The following NRIP3 variants were observed in gnomAD, a reference collection of about 807,000 sequenced individuals.
NRIP3 encodes nuclear receptor interacting protein 3.
In NRIP3, 31 loss-of-function variants were observed where a neutral mutation model predicts 29.0. The ratio of observed to expected loss-of-function variants is 1.07; its 90% CI spans 0.80 to 1.44. The LOEUF (loss-of-function observed/expected upper bound fraction) is 1.44, where lower values mean the gene tolerates loss of function less well. Among genes scored for constraint, NRIP3 ranks in the 40% most tolerant of loss-of-function variants. NRIP3 has a pLI of 0.00. For missense variants in NRIP3, 314 were observed against 297.9 expected, an observed-to-expected ratio of 1.05 and a Z score of -0.40; for synonymous variants, 131 against 118.3, an observed-to-expected ratio of 1.11 and a Z score of -0.70.
intron 4 of NRIP3, 55 bp from the exon 5 acceptor site, chr11:8,984,179 G>A (rs1260786425): frequency 1.6e-6 from 2 of 1,253,500 alleles, no homozygotes; most frequent in African/African-American, 3.0e-5. Context: ...TTGCTTAGAA[G>A]TTGGCCTAAT....
Position 8,983,238 on chromosome 11 carries a change from T to C in NRIP3, c.*307A>G, listed in dbSNP as rs773037339. The stretch of plus-strand genomic sequence containing the variant: ...CACAGAACCTGGCAGCCCCTATACT[T>C]GACTAATAAAAGCAAATTCCTGGAA... On this transcript the variant is annotated 3_prime_UTR_variant, in exon 7 of 7. Transcript: ENST00000309166. The C allele has an allele frequency of 6.2e-6, 3 of 483,798 alleles. No individual in the cohort carries two copies. Among genetic ancestry groups the C allele is most frequent in the Non-Finnish European group, 1.1e-5 (3 of 270,550 alleles). 30.0% of individuals were successfully genotyped at this position (483,798 alleles called of 1,614,324 possible).
chr11:8,983,422 T>C lies in NRIP3; in HGVS notation c.*123A>G, dbSNP rs1854454399. The stretch of plus-strand genomic sequence containing the variant: ...TGAATGGGAAGGAGCCCCTGGAGCT[T>C]CTATTAGATGGAAGGACTTGGTCCA... On this transcript the variant is annotated 3_prime_UTR_variant, in exon 7 of 7. Coordinates refer to ENST00000309166, the MANE Select transcript of NRIP3 (RefSeq NM_020645.3). The C allele has an allele frequency of 6.1e-6, 5 of 814,774 alleles. No homozygotes were observed. The highest frequency in any genetic ancestry group is 1.0e-5 in the Non-Finnish European group (5 of 502,502). 50.5% of individuals were successfully genotyped at this position (814,774 alleles called of 1,614,324 possible).
chr11:9,000,312 C>T (rs924886141), intron 1 of NRIP3, among the ~76,000 whole-genome samples: 6 of 152,158 alleles, frequency 3.9e-5, no homozygotes, highest in African/African-American at 1.4e-4. Context: ...TGGTATTTCA[C>T]GCTTCTCTTC....
chr11:9,001,906 G>C (rs1309827503), intron 1 of NRIP3, among the ~76,000 whole-genome samples: 1 of 152,230 alleles, frequency 6.6e-6, no homozygotes, highest in Non-Finnish European at 1.5e-5. Flanking sequence ...CCATGATTCA[G>C]AGCCTTACAG....
chr11:9,000,650 A>G (rs1350798570), intron 1 of NRIP3, among the ~76,000 whole-genome samples: 1 of 152,220 alleles, frequency 6.6e-6, no homozygotes, highest in Non-Finnish European at 1.5e-5. Flanking sequence ...GACTGTTTTT[A>G]AAAATTAAAA....
intron 1 of NRIP3, among the ~76,000 whole-genome samples, chr11:9,002,596 T>TAAAAAAAAAAAAAAAAAAAAA (rs10701323): frequency 9.9e-6 from 1 of 101,244 alleles, no homozygotes. Context: ...GCTGTTAAAT[T>TAAAAAAAAAAAAAAAAAAAAA]AAAAAAAAAA....
intron 1 of NRIP3, among the ~76,000 whole-genome samples, chr11:8,991,241 C>T (rs1854595675): frequency 1.3e-5 from 2 of 152,122 alleles, no homozygotes; most frequent in African/African-American, 4.8e-5. Context: ...GCAGAGCTTG[C>T]ATTGAGCCGA....
chr11:9,004,386 C>G (rs1260496641), upstream of NRIP3: 1 of 153,938 alleles, frequency 6.5e-6, no homozygotes, highest in Non-Finnish European at 1.4e-5. Flanking sequence ...TCACCGACAG[C>G]CGGGCCATGC....
At chr11:8,984,691 T>C (rs1321937341) in intron 4 of NRIP3, among the ~76,000 whole-genome samples, 1 of 151,974 alleles carries the variant, frequency 6.6e-6, no homozygotes, top group Non-Finnish European at 1.5e-5. Context: ...GAACTTGGAG[T>C]AGTCAAGAGT....
chr11:8,988,574 T>C (rs373727452), intron 1 of NRIP3, among the ~76,000 whole-genome samples: 1 of 152,164 alleles, frequency 6.6e-6, no homozygotes, highest in African/African-American at 2.4e-5. Context: ...CCCTTGTGAT[T>C]TGGACTAACC....
Position 8,983,419 on chromosome 11 carries a change from G to A in NRIP3, c.*126C>T. ...GTCTGAATGGGAAGGAGCCCCTGGA[G>A]CTTCTATTAGATGGAAGGACTTGGT... On this transcript the variant is annotated 3_prime_UTR_variant, in exon 7 of 7. Transcript: ENST00000309166. 1.3e-6 allele frequency: 1 copy of A among 787,108 alleles called. No individual in the cohort carries two copies. Among genetic ancestry groups the A allele is most frequent in the Non-Finnish European group, 2.1e-6 (1 of 478,648 alleles). The allele number at this position is 787,108 out of a possible 1,614,324, so 48.8% of individuals were successfully genotyped here. A position where few individuals can be genotyped will look rare whatever the true frequency, so the allele number is the denominator to read the frequency against.
intron 1 of NRIP3, among the ~76,000 whole-genome samples, chr11:8,993,087 A>C (rs950455327): frequency 6.6e-6 from 1 of 152,136 alleles, no homozygotes; most frequent in Non-Finnish European, 1.5e-5. Flanking sequence ...GAATGAAAGA[A>C]TCCAATAGAG....
chr11:8,988,074 C>T, intron 2 of NRIP3, 44 bp downstream of exon 2: 1 of 1,599,188 alleles, frequency 6.3e-7, no homozygotes. Flanking sequence ...GCCCCACATC[C>T]TACTTTCCAG....
chr11:8,983,661 C>T, intron 6 of NRIP3, 101 bp from the exon 7 acceptor site: 1 of 1,124,888 alleles, frequency 8.9e-7, no homozygotes, highest in Non-Finnish European at 1.3e-6. Flanking sequence ...CATTTCCCTA[C>T]CACTCTGTGT....
Position 9,003,755 on chromosome 11 carries a change from G to A in NRIP3, c.174+7C>T, listed in dbSNP as rs762628024. The A allele has an allele frequency of 7.1e-7, 1 of 1,411,586 alleles. No individual in the cohort carries two copies. Among genetic ancestry groups the A allele is most frequent in the South Asian group, 1.5e-5 (1 of 68,102 alleles). 87.4% of individuals were successfully genotyped at this position (1,411,586 alleles called of 1,614,324 possible). On this transcript the variant is annotated splice_region_variant and intron_variant, in intron 1 of 6. Coordinates refer to ENST00000309166, the MANE Select transcript of NRIP3 (RefSeq NM_020645.3). ...GGGCCGGGGCGAGAACGGCGGCGGG[G>A]GCTCACCATGTCCTTGGACGAGCCC... is the stretch of plus-strand genomic sequence containing the variant.
upstream of NRIP3, chr11:9,004,317 A>G: frequency 6.0e-6 from 1 of 165,380 alleles, no homozygotes; most frequent in Non-Finnish European, 1.3e-5. Flanking sequence ...AGCCCCGGCC[A>G]TCTCTGCCGC....
At chr11:9,002,528 A>AAATTATATTGTGTAT (rs11273145) in intron 1 of NRIP3, among the ~76,000 whole-genome samples, 6 of 147,688 alleles carry the variant, frequency 4.1e-5, no homozygotes, top group Non-Finnish European at 7.4e-5. Flanking sequence ...GGGAGGAGAA[A>AAATTATATTGTGTAT]AATTTTTGTA....
At chr11:8,996,417 A>G (rs757895314) in intron 1 of NRIP3, among the ~76,000 whole-genome samples, 1 of 151,028 alleles carries the variant, frequency 6.6e-6, no homozygotes, top group Non-Finnish European at 1.5e-5. Context: ...CAGTAGCTGG[A>G]CTACAGGTGC....
intron 3 of NRIP3, 82 bp from the exon 4 acceptor site, chr11:8,985,932 A>C: frequency 6.7e-7 from 1 of 1,492,856 alleles, no homozygotes; most frequent in Non-Finnish European, 9.2e-7. Context: ...CTGACCTACA[A>C]TTGGAATTCT....
Sources: allele counts gnomAD v4.1 joint callset (sites outside exome capture counted in the v4.1 genomes callset), GRCh38; gene constraint gnomAD v4.1.1; transcripts MANE v1.5; gene names NCBI Gene and HGNC (gene_info 2026-07-23, HGNC 2026-07-21).